The following PEAK1 variants were observed in gnomAD, a reference collection of about 807,000 sequenced individuals.
PEAK1 encodes inactive tyrosine-protein kinase PEAK1.
A neutral mutation model predicts 124.7 loss-of-function variants in PEAK1; 54 were observed. That is an observed-to-expected ratio of 0.43 (90% CI 0.35 to 0.54). The LOEUF (loss-of-function observed/expected upper bound fraction) is 0.54, where lower values mean the gene tolerates loss of function less well. Ranked by LOEUF, PEAK1 falls within the 20% of genes least tolerant of loss-of-function variation. The pLI, the probability that PEAK1 is intolerant of heterozygous loss-of-function variation, is 0.01. For synonymous variants in PEAK1, 719 were observed against 760.0 expected (o/e 0.95, Z 0.89); for missense variants, 2,046 against 2,134.5 (o/e 0.96, Z 0.82).
At chr15:77,147,142 C>T (rs568229975) in intron 8 of PEAK1, among the ~76,000 whole-genome samples, 2 of 152,188 alleles carry the variant, frequency 1.3e-5, no homozygotes, top group South Asian at 2.1e-4. Flanking sequence ...AACCTATGGA[C>T]GAAGCCTCAT....
intron 6 of PEAK1, among the ~76,000 whole-genome samples, chr15:77,191,518 T>C (rs748171337): frequency 2.6e-5 from 4 of 152,148 alleles, no homozygotes; most frequent in Non-Finnish European, 4.4e-5. Flanking sequence ...TTGAAAGTTT[T>C]AGCTGCCTTG....
At chr15:77,399,789 G>A (rs2071202369) in intron 1 of PEAK1, among the ~76,000 whole-genome samples, 1 of 152,120 alleles carries the variant, frequency 6.6e-6, no homozygotes, top group South Asian at 2.1e-4. Context: ...ATAAGCACAG[G>A]CAACCAAAGC....
intron 6 of PEAK1, among the ~76,000 whole-genome samples, chr15:77,249,800 A>T (rs544052363): frequency 6.6e-6 from 1 of 152,234 alleles, no homozygotes; most frequent in South Asian, 2.1e-4. Flanking sequence ...CTGGAATTAC[A>T]GGTGTGAGCC....
intron 9 of PEAK1, among the ~76,000 whole-genome samples, chr15:77,126,153 T>C (rs1466445915): frequency 1.3e-5 from 2 of 152,368 alleles, no homozygotes; most frequent in East Asian, 1.9e-4. Flanking sequence ...ATAGGAATTA[T>C]TTGAGTATTA....
At chr15:77,176,226 C>T (rs1567066187) in intron 7 of PEAK1, among the ~76,000 whole-genome samples, 1 of 126,000 alleles carries the variant, frequency 7.9e-6, no homozygotes, top group African/African-American at 3.1e-5. Flanking sequence ...ACATTGTGCA[C>T]ATGTACCCTA....
intron 6 of PEAK1, among the ~76,000 whole-genome samples, chr15:77,195,571 T>C (rs2058062099): frequency 6.6e-6 from 1 of 152,210 alleles, no homozygotes; most frequent in Non-Finnish European, 1.5e-5. Flanking sequence ...TCCCCTCTCT[T>C]GACTTCTTTT....
intron 2 of PEAK1, among the ~76,000 whole-genome samples, chr15:77,313,672 G>A (rs867768798): frequency 1.4e-4 from 16 of 114,502 alleles, no homozygotes; most frequent in African/African-American, 6.9e-4. Flanking sequence ...GTGTGTGTGT[G>A]TGTGTGTGTG....
intron 9 of PEAK1, among the ~76,000 whole-genome samples, chr15:77,117,141 C>G (rs985373348): frequency 1.3e-5 from 2 of 152,136 alleles, no homozygotes; most frequent in African/African-American, 4.8e-5. Flanking sequence ...ATTATATTGT[C>G]TTCTGGAATG....
At chr15:77,386,351 C>G (rs2069935759) in intron 1 of PEAK1, among the ~76,000 whole-genome samples, 2 of 152,150 alleles carry the variant, frequency 1.3e-5, no homozygotes, top group Non-Finnish European at 2.9e-5. Flanking sequence ...GTATGTGAAG[C>G]CTTCTTCATC....
At chr15:77,116,663 A>T (rs574331155) in intron 9 of PEAK1, among the ~76,000 whole-genome samples, 412 of 152,232 alleles carry the variant, frequency 2.7e-3, no homozygotes, top group African/African-American at 9.7e-3. Flanking sequence ...ACAGTTAAAG[A>T]AGCCTGATAT....
At chr15:77,344,516 C>T in intron 2 of PEAK1, among the ~76,000 whole-genome samples, 1 of 152,328 alleles carries the variant, frequency 6.6e-6, no homozygotes, top group South Asian at 2.1e-4. Flanking sequence ...CAACTCTGTT[C>T]TTCTTTTCAA....
intron 6 of PEAK1, among the ~76,000 whole-genome samples, chr15:77,226,044 G>GATATATAT (rs1157824212): frequency 0.01 from 466 of 44,772 alleles, 5 homozygotes; most frequent in Admixed American, 0.018. Context: ...AAAATAAAGG[G>GATATATAT]ATATATATAT....
intron 2 of PEAK1, among the ~76,000 whole-genome samples, chr15:77,308,010 T>G (rs1267249173): frequency 1.3e-5 from 2 of 152,084 alleles, no homozygotes; most frequent in African/African-American, 4.8e-5. Flanking sequence ...TTCATAATAC[T>G]TAGTGTTAGG....
chr15:77,138,785 C>A (rs955272338), intron 8 of PEAK1, among the ~76,000 whole-genome samples: 1 of 150,914 alleles, frequency 6.6e-6, no homozygotes, highest in African/African-American at 2.4e-5. Flanking sequence ...TCATTTGAAC[C>A]TGGGAGGCGG....
intron 1 of PEAK1, among the ~76,000 whole-genome samples, chr15:77,390,274 A>G (rs1389660455): frequency 6.6e-6 from 1 of 152,258 alleles, no homozygotes; most frequent in East Asian, 1.9e-4. Context: ...TAAGAGCAGG[A>G]AAGAGGGAGA....
At chr15:77,325,468 AC>A (rs1204317206) in intron 2 of PEAK1, among the ~76,000 whole-genome samples, 1 of 151,704 alleles carries the variant, frequency 6.6e-6, no homozygotes, top group African/African-American at 2.4e-5. Context: ...TTAATAAAAC[AC>A]TTTTTCCTTG....
intron 1 of PEAK1, among the ~76,000 whole-genome samples, chr15:77,375,342 C>A (rs1008849368): frequency 2.6e-4 from 39 of 152,096 alleles, no homozygotes; most frequent in African/African-American, 8.7e-4. Flanking sequence ...AGTTGACTAC[C>A]CAACAGCCTC....
chr15:77,313,830 C>A (rs941775770), intron 2 of PEAK1, among the ~76,000 whole-genome samples: 1 of 151,424 alleles, frequency 6.6e-6, no homozygotes, highest in Non-Finnish European at 1.5e-5. Flanking sequence ...TACCCACCCA[C>A]CTCGGCCTCC....
Position 77,109,453 on chromosome 15 carries a change from C to T in PEAK1, c.*4703G>A, listed in dbSNP as rs911167458. 6.6e-6 allele frequency: 1 copy of T among 152,278 alleles called. No individual in the cohort carries two copies. Among genetic ancestry groups the T allele is most frequent in the Non-Finnish European group, 1.5e-5 (1 of 68,050 alleles). The allele number at this position is 152,278 out of a possible 1,614,324, so 9.4% of individuals were successfully genotyped here. On this transcript the variant is annotated 3_prime_UTR_variant, in exon 10 of 10. Transcript: ENST00000682557. ...TCCCCTCCCACAGCATCTGTCACAG[C>T]TCACCCTCATCATCTTAGAAGCATC...
Sources: allele counts gnomAD v4.1 joint callset (sites outside exome capture counted in the v4.1 genomes callset), GRCh38; gene constraint gnomAD v4.1.1; transcripts MANE v1.5; gene names NCBI Gene and HGNC (gene_info 2026-07-23, HGNC 2026-07-21).